ZMYM6: variants seen among roughly 807,000 people sequenced by gnomAD.
ZMYM6 encodes zinc finger MYM-type containing 6.
Under a neutral mutation model 134.0 loss-of-function variants are expected in ZMYM6, and 90 were observed. The observed-to-expected ratio is 0.67, with a 90% CI of 0.57 to 0.80. The LOEUF (loss-of-function observed/expected upper bound fraction) is 0.80. ZMYM6 is among the 30% of genes least tolerant of loss of function. The probability of loss-of-function intolerance (pLI) is 0.00; values close to 1 mark genes in which losing one functional copy is unlikely to be tolerated. For synonymous variants in ZMYM6, 481 were observed against 524.1 expected (o/e 0.92, Z 1.12); for missense variants, 1,362 against 1,533.9 (o/e 0.89, Z 1.87).
intron 2 of ZMYM6, among the ~76,000 whole-genome samples, chr1:35,028,586 G>A (rs1266309485): frequency 4.0e-5 from 6 of 151,126 alleles, no homozygotes; most frequent in Non-Finnish European, 5.9e-5. Flanking sequence ...TGCAAGCTCC[G>A]CCTCCTGGGT....
intron 14 of ZMYM6, among the ~76,000 whole-genome samples, chr1:35,003,485 A>G (rs1161902560): frequency 2.0e-5 from 3 of 152,272 alleles, no homozygotes; most frequent in African/African-American, 7.2e-5. Context: ...AAAGTTGCAT[A>G]AAACAGGACT....
chr1:34,987,100 A>G lies in ZMYM6; in HGVS notation c.*4T>C, dbSNP rs1374383890. On this transcript the variant is annotated 3_prime_UTR_variant, in exon 16 of 16. Coordinates refer to ENST00000357182, the MANE Select transcript of ZMYM6 (RefSeq NM_007167.4). The stretch of plus-strand genomic sequence containing the variant: ...GACTTCACTGTTAAGCAATGTGCAT[A>G]TTGCTACTCTTTCTCCTTCACTAAT... 1 of 1,535,834 alleles carries G rather than the reference A, an allele frequency of 6.5e-7. No homozygotes were observed. Among genetic ancestry groups the G allele is most frequent in the Non-Finnish European group, 8.7e-7 (1 of 1,143,610 alleles).
chr1:35,005,587 G>C (rs1335947688), intron 12 of ZMYM6, among the ~76,000 whole-genome samples: 2 of 147,426 alleles, frequency 1.4e-5, no homozygotes, highest in Admixed American at 6.8e-5. Context: ...CTTAAGCCCA[G>C]GAGTTCAAGA....
At chr1:35,031,249 T>G (rs1158272901) in intron 1 of ZMYM6, 1 of 152,196 alleles carries the variant, frequency 6.6e-6, no homozygotes, top group African/African-American at 2.4e-5. Flanking sequence ...ACGCCCTTAC[T>G]GAAAGTGAGT....
chr1:35,016,796 C>T (rs1641207676), intron 4 of ZMYM6, among the ~76,000 whole-genome samples: 1 of 152,032 alleles, frequency 6.6e-6, no homozygotes, highest in Non-Finnish European at 1.5e-5. Context: ...ATGATCATGC[C>T]ACTGCACTCC....
rs531715889 is a variant in ZMYM6 at position 35,014,858 on chromosome 1, C to T, written c.634G>A (p.Val212Ile). The change falls in exon 6 of 16, where the codon GTA becomes ATA. Residue 212 changes from valine (V) to isoleucine (I), a missense_variant. This residue lies in a region of ZMYM6 where 503 missense variants were observed against 520.8 expected (regional missense o/e 0.97). Coordinates refer to ENST00000357182, the MANE Select transcript of ZMYM6 (RefSeq NM_007167.4). ...TRFEVKYQNV[V>I]HGLCSDACFS... ...CAGGCATCACTACAAAGACCATGTA[C>T]CACATTTTGATATTTAACTTCAAAT... is the stretch of plus-strand genomic sequence containing the variant. The T allele has an allele frequency of 1.7e-5, 28 of 1,614,070 alleles. No individual in the cohort carries two copies. The East Asian group carries it at 6.2e-4, about 36-fold the overall frequency.
intron 6 of ZMYM6, chr1:35,013,686 T>G (rs574283372): frequency 2.1e-4 from 200 of 974,590 alleles, no homozygotes; most frequent in Middle Eastern, 1.1e-3. Flanking sequence ...TCTTTGTTTT[T>G]TTTTTTTGTT....
intron 11 of ZMYM6, among the ~76,000 whole-genome samples, chr1:35,007,639 A>G (rs1485293216): frequency 6.6e-6 from 1 of 151,942 alleles, no homozygotes; most frequent in African/African-American, 2.4e-5. Flanking sequence ...CAATAAGGGA[A>G]TCTATCTAAA....
intron 4 of ZMYM6, chr1:35,018,349 T>C (rs894147690): frequency 6.6e-6 from 1 of 151,986 alleles, no homozygotes; most frequent in Admixed American, 6.6e-5. Flanking sequence ...TCCTCTTTAC[T>C]TGGAAATTTC....
intron 6 of ZMYM6, chr1:35,013,698 G>A (rs1442678378): frequency 4.1e-6 from 4 of 981,296 alleles, no homozygotes; most frequent in Non-Finnish European, 4.8e-6. Flanking sequence ...TTTTTTGTTT[G>A]TTTGTTTGTT....
intron 7 of ZMYM6, 83 bp downstream of exon 7, chr1:35,012,348 G>T: frequency 8.3e-7 from 1 of 1,203,198 alleles, no homozygotes; most frequent in Non-Finnish European, 1.1e-6. Flanking sequence ...GATAAATTTA[G>T]CTTGTAACAA....
chr1:34,987,554 T>G lies in ZMYM6; in HGVS notation c.3528A>C (p.Ser1176=), dbSNP rs1640597312. ...TTGTGATGTCTGTCATATTTAAGCC[T>G]GATGAATTTGAGAATTCAGAAAATG... is the stretch of plus-strand genomic sequence containing the variant. ...FPSFSEFSNS[S]GLNMTDITRI... The change falls in exon 16 of 16, where the codon TCA becomes TCC. Residue 1176 remains serine (S), a synonymous_variant. Coordinates refer to ENST00000357182, the MANE Select transcript of ZMYM6 (RefSeq NM_007167.4). 6.2e-7 allele frequency: 1 copy of G among 1,613,852 alleles called. No homozygotes were observed. The highest frequency in any genetic ancestry group is 8.5e-7 in the Non-Finnish European group (1 of 1,179,956).
intron 6 of ZMYM6, chr1:35,013,483 T>G: frequency 1.0e-6 from 1 of 985,164 alleles, no homozygotes; most frequent in Non-Finnish European, 1.2e-6. Flanking sequence ...GGAACTGATT[T>G]TGGGATCATA....
At chr1:35,011,283 G>C (rs1369053754) in intron 8 of ZMYM6, among the ~76,000 whole-genome samples, 1 of 152,084 alleles carries the variant, frequency 6.6e-6, no homozygotes, top group African/African-American at 2.4e-5. Context: ...TAATAAATTA[G>C]AGCAGGCCTC....
intron 14 of ZMYM6, 106 bp downstream of exon 14, chr1:35,003,862 C>T: frequency 1.0e-6 from 1 of 993,012 alleles, no homozygotes. Context: ...GACTAGGACC[C>T]TCTTCCAGCA....
At chr1:34,993,277 A>G (rs894525695) in intron 14 of ZMYM6, among the ~76,000 whole-genome samples, 1 of 151,822 alleles carries the variant, frequency 6.6e-6, no homozygotes, top group African/African-American at 2.4e-5. Flanking sequence ...ACGCCTGGCT[A>G]ATTTTTTATA....
Position 35,005,228 on chromosome 1 carries a change from C to A in ZMYM6, c.1858G>T (p.Ala620Ser). 1 of 1,614,102 alleles carries A rather than the reference C, an allele frequency of 6.2e-7. No individual in the cohort carries two copies. The highest frequency in any genetic ancestry group is 8.5e-7 in the Non-Finnish European group (1 of 1,180,008). The change falls in exon 13 of 16, where the codon GCA becomes TCA. Residue 620 changes from alanine to serine, a missense_variant. Transcript: ENST00000357182. Reference sequence around the variant, plus strand: ...ATAACTGGTGTTGTATCTGTCCTTGCAGAAGGGAGCTCCGTCACAGCAGTT... The same window carrying A: ...ATAACTGGTGTTGTATCTGTCCTTGAAGAAGGGAGCTCCGTCACAGCAGTT... ...AKTAVTELPS[A>S]RTDTTPVITS... is the part of the protein sequence containing the mutation.
At chr1:34,989,164 T>C in intron 15 of ZMYM6, 1 of 1,307,394 alleles carries the variant, frequency 7.6e-7, no homozygotes, top group Non-Finnish European at 9.7e-7. Flanking sequence ...CTGTAGGATG[T>C]GGTACATGTA....
At chr1:34,993,985 A>G (rs1418852600) in intron 14 of ZMYM6, among the ~76,000 whole-genome samples, 1 of 148,818 alleles carries the variant, frequency 6.7e-6, no homozygotes, top group Non-Finnish European at 1.5e-5. Flanking sequence ...GTGCCCGGCC[A>G]AAAAGTAAAG....
Sources: gnomAD v4.1 joint callset for allele counts (sites outside exome capture counted in the v4.1 genomes callset) on GRCh38, gnomAD v4.1.1 for gene constraint, gnomAD v4.1.1 regional missense constraint, MANE v1.5 for transcripts, NCBI Gene and HGNC (gene_info 2026-07-23, HGNC 2026-07-21) for gene names.